Variants in POPDC1 observed in about 807,000 individuals in gnomAD.
The protein encoded by POPDC1 is popeye domain-containing protein 1.
chr6:105,135,752 T>C, the POPDC1 span, among the ~76,000 whole-genome samples: 70 of 152,264 alleles, frequency 4.6e-4, 2 homozygotes, highest in East Asian at 0.014. Flanking sequence ...TATGTATCTA[T>C]ATATCTATAT....
At chr6:105,117,950 G>A in the POPDC1 span, among the ~76,000 whole-genome samples, 1 of 152,250 alleles carries the variant, frequency 6.6e-6, no homozygotes, top group Middle Eastern at 3.4e-3. Flanking sequence ...GGAGGCTGAG[G>A]TGGGAGGATC....
chr6:105,115,117 C>T, the POPDC1 span, among the ~76,000 whole-genome samples: 1 of 152,234 alleles, frequency 6.6e-6, no homozygotes, highest in Non-Finnish European at 1.5e-5. Flanking sequence ...GACGGAGTCT[C>T]GCTCTGTCGC....
At chr6:105,113,645 G>C in the POPDC1 span, among the ~76,000 whole-genome samples, 1 of 152,228 alleles carries the variant, frequency 6.6e-6, no homozygotes, top group East Asian at 1.9e-4. Context: ...CAAGAGTAGG[G>C]AAGTGCAGCA....
At chr6:105,101,056 C>T in the POPDC1 span, 1 of 1,582,836 alleles carries the variant, frequency 6.3e-7, no homozygotes, top group Non-Finnish European at 8.6e-7. Flanking sequence ...TTCAAGACAC[C>T]TTCCGTCTTG....
chr6:105,129,407 A>C, the POPDC1 span: 1 of 1,611,946 alleles, frequency 6.2e-7, no homozygotes, highest in Admixed American at 1.7e-5. Flanking sequence ...AAGATACGAC[A>C]GATGCAAAAT....
At chr6:105,133,249 G>T in the POPDC1 span, 3 of 945,072 alleles carry the variant, frequency 3.2e-6, no homozygotes, top group Admixed American at 2.8e-5. Context: ...ACATTTTTTG[G>T]CTTGCTATGG....
At chr6:105,125,512 C>G in the POPDC1 span, 7 of 1,614,148 alleles carry the variant, frequency 4.3e-6, no homozygotes, top group South Asian at 1.1e-5. Context: ...CTGAACAAAT[C>G]TGGAGGCACA....
the POPDC1 span, among the ~76,000 whole-genome samples, chr6:105,113,359 C>T: frequency 1.3e-5 from 2 of 152,174 alleles, no homozygotes; most frequent in East Asian, 3.9e-4. Context: ...ACCTAACACC[C>T]GCTGTAGTAG....
chr6:105,098,718 G>A, the POPDC1 span: 1 of 152,214 alleles, frequency 6.6e-6, no homozygotes, highest in South Asian at 2.1e-4. Flanking sequence ...CTCAGGTACA[G>A]GGCGAAAGTG....
the POPDC1 span, among the ~76,000 whole-genome samples, chr6:105,114,245 G>A: frequency 0.71 from 108,601 of 152,106 alleles, 42,363 homozygotes; most frequent in East Asian, 0.87. Context: ...TCTGTGCCAT[G>A]TAAAACCTGT....
chr6:105,125,260 T>A, the POPDC1 span: 2 of 1,101,816 alleles, frequency 1.8e-6, no homozygotes, highest in Non-Finnish European at 2.6e-6. Context: ...TAGCAAAAAA[T>A]TCCACCAACA....
At chr6:105,127,361 A>G in the POPDC1 span, among the ~76,000 whole-genome samples, 3 of 152,166 alleles carry the variant, frequency 2.0e-5, no homozygotes, top group African/African-American at 7.2e-5. Context: ...TGCAATCATT[A>G]TCTACCTCCT....
At chr6:105,114,168 A>G in the POPDC1 span, among the ~76,000 whole-genome samples, 1 of 152,158 alleles carries the variant, frequency 6.6e-6, no homozygotes, top group Non-Finnish European at 1.5e-5. Flanking sequence ...ATAACTTACT[A>G]TTCTTTGTCC....
the POPDC1 span, chr6:105,125,241 G>T: frequency 1.2e-6 from 1 of 854,922 alleles, no homozygotes; most frequent in Non-Finnish European, 1.8e-6. Context: ...GCATTGTAAA[G>T]TATAGTTGTA....
chr6:105,121,040 GTTCAT>G, the POPDC1 span, among the ~76,000 whole-genome samples: 1 of 152,006 alleles, frequency 6.6e-6, no homozygotes, highest in Non-Finnish European at 1.5e-5. Flanking sequence ...AAAACTTAGT[GTTCAT>G]TTCTTTTACA....
the POPDC1 span, among the ~76,000 whole-genome samples, chr6:105,109,602 G>A: frequency 1.3e-5 from 2 of 151,298 alleles, no homozygotes; most frequent in African/African-American, 4.8e-5. Flanking sequence ...GCCAGCCATG[G>A]TGGCACACAC....
chr6:105,115,489 A>G, the POPDC1 span, among the ~76,000 whole-genome samples: 2 of 152,282 alleles, frequency 1.3e-5, no homozygotes, highest in Non-Finnish European at 2.9e-5. Context: ...CAGAAATAAT[A>G]GTTCTAAAGT....
chr6:105,128,907 G>T, the POPDC1 span, among the ~76,000 whole-genome samples: 5 of 152,110 alleles, frequency 3.3e-5, no homozygotes, highest in African/African-American at 1.2e-4. Context: ...TTAAAGACTG[G>T]TGTTTTGGTA....
chr6:105,115,802 A>G, the POPDC1 span: 17,319 of 1,613,760 alleles, frequency 0.011, 144 homozygotes, highest in Non-Finnish European at 0.011. Flanking sequence ...GCAGAGGCTG[A>G]GCTGATGTTC....
Sources: allele counts gnomAD v4.1 joint callset (sites outside exome capture counted in the v4.1 genomes callset), GRCh38; gene constraint gnomAD v4.1.1; transcripts MANE v1.5; gene names NCBI Gene and HGNC (gene_info 2026-07-23, HGNC 2026-07-21).